The following BBS9 variants were observed in gnomAD, a reference collection of about 807,000 sequenced individuals.
The protein encoded by BBS9 is protein PTHB1.
Under a neutral mutation model 117.7 loss-of-function variants are expected in BBS9, and 89 were observed. That is an observed-to-expected ratio of 0.76 (90% CI 0.64 to 0.90). BBS9 has a LOEUF of 0.90. Ranked by LOEUF, BBS9 falls within the 40% of genes least tolerant of loss-of-function variation. BBS9 has a pLI of 0.00. For missense variants in BBS9, 982 were observed against 1,042.2 expected, an observed-to-expected ratio of 0.94 and a Z score of 0.80; for synonymous variants, 379 against 370.9, an observed-to-expected ratio of 1.02 and a Z score of -0.25.
chr7:33,515,583 G>A (rs2129032871), intron 20 of BBS9, among the ~76,000 whole-genome samples: 1 of 152,316 alleles, frequency 6.6e-6, no homozygotes, highest in East Asian at 1.9e-4. Context: ...TTCAAAGTCA[G>A]CAAGAAATTT....
chr7:33,599,583 C>A (rs1863472901), intron 21 of BBS9, among the ~76,000 whole-genome samples: 1 of 152,068 alleles, frequency 6.6e-6, no homozygotes, highest in East Asian at 1.9e-4. Context: ...CAGTCATAGG[C>A]CCCATAATAA....
intron 5 of BBS9, among the ~76,000 whole-genome samples, chr7:33,250,936 G>A (rs193043581): frequency 2.6e-5 from 4 of 152,314 alleles, no homozygotes; most frequent in African/African-American, 7.2e-5. Context: ...AATAGATGAC[G>A]TGTTCTAAGA....
intron 11 of BBS9, among the ~76,000 whole-genome samples, chr7:33,341,500 A>G (rs994471078): frequency 2.6e-5 from 4 of 152,110 alleles, no homozygotes; most frequent in Admixed American, 6.6e-5. Context: ...ACACAAGGCA[A>G]GGTACTTAAT....
intron 19 of BBS9, among the ~76,000 whole-genome samples, chr7:33,416,315 T>C (rs1832011472): frequency 1.3e-5 from 2 of 151,310 alleles, no homozygotes; most frequent in Admixed American, 1.3e-4. Flanking sequence ...CCTTCACCAC[T>C]GGTATTGTCT....
chr7:33,398,250 T>G (rs1366548728), intron 19 of BBS9, among the ~76,000 whole-genome samples: 1 of 152,212 alleles, frequency 6.6e-6, no homozygotes, highest in African/African-American at 2.4e-5. Flanking sequence ...GGAACTCCTG[T>G]TCTTCATTGG....
At chr7:33,345,480 T>C (rs193003505) in intron 12 of BBS9, among the ~76,000 whole-genome samples, 15 of 152,304 alleles carry the variant, frequency 9.8e-5, no homozygotes, top group Admixed American at 3.3e-4. Context: ...GCTTTACCAA[T>C]TGTGTTCGCT....
intron 21 of BBS9, among the ~76,000 whole-genome samples, chr7:33,577,390 A>T (rs1396838326): frequency 6.6e-6 from 1 of 152,250 alleles, no homozygotes; most frequent in East Asian, 1.9e-4. Context: ...ATCGTTAAAA[A>T]GTCAGGAAAC....
intron 19 of BBS9, among the ~76,000 whole-genome samples, chr7:33,399,860 G>A (rs1388490682): frequency 5.3e-5 from 8 of 152,108 alleles, no homozygotes; most frequent in Admixed American, 3.3e-4. Context: ...CTGGATTTAG[G>A]TATGTAATGC....
chr7:33,288,728 A>T (rs973142697), intron 9 of BBS9, among the ~76,000 whole-genome samples: 1 of 152,182 alleles, frequency 6.6e-6, no homozygotes, highest in Non-Finnish European at 1.5e-5. Flanking sequence ...GTAACATGTT[A>T]TTTCCCAATA....
At chr7:33,409,758 G>C (rs73314908) in intron 19 of BBS9, among the ~76,000 whole-genome samples, 1 of 152,062 alleles carries the variant, frequency 6.6e-6, no homozygotes, top group Non-Finnish European at 1.5e-5. Context: ...TTTTCCTAAC[G>C]ATGTTGAACT....
rs116650628 is a variant in BBS9 at position 33,631,231 on chromosome 7, T to C, written c.2522-3946T>C. On this transcript the variant is annotated intron_variant, in intron 21 of 21. Transcript: ENST00000671952. Reference sequence around the variant, plus strand: ...AGAGAAGCATGGCGAACTGCACCGTTCCAGGGAGACCCTCAGCCCATGCCG... The same window carrying C: ...AGAGAAGCATGGCGAACTGCACCGTCCCAGGGAGACCCTCAGCCCATGCCG... Among the ~76,000 whole-genome samples the C allele has an allele frequency of 6.1e-3, 921 of 152,214 alleles. 10 individuals carry two copies. The highest frequency in any genetic ancestry group is 0.021 in the African/African-American group (870 of 41,534).
At chr7:33,189,818 A>G (rs1261238863) in intron 5 of BBS9, among the ~76,000 whole-genome samples, 2 of 150,966 alleles carry the variant, frequency 1.3e-5, no homozygotes, top group Non-Finnish European at 2.9e-5. Context: ...CCCAGGAGGC[A>G]GAGGCTGCAG....
At chr7:33,301,238 A>T (rs1321914063) in intron 9 of BBS9, among the ~76,000 whole-genome samples, 1 of 152,026 alleles carries the variant, frequency 6.6e-6, no homozygotes, top group Non-Finnish European at 1.5e-5. Flanking sequence ...TAAATGGGGT[A>T]TCCATCACCT....
chr7:33,304,369 A>G (rs1333089409), intron 9 of BBS9, among the ~76,000 whole-genome samples: 9 of 124,612 alleles, frequency 7.2e-5, no homozygotes, highest in South Asian at 2.5e-4. Flanking sequence ...GGTGAGGAGC[A>G]CCTCTGCCCG....
At chr7:33,552,337 A>G (rs1854569400) in intron 21 of BBS9, among the ~76,000 whole-genome samples, 1 of 152,096 alleles carries the variant, frequency 6.6e-6, no homozygotes, top group Admixed American at 6.6e-5. Context: ...TTACGTGAAC[A>G]TTATTCCTTC....
chr7:33,193,423 T>C (rs62449328), intron 5 of BBS9, among the ~76,000 whole-genome samples: 1 of 100,988 alleles, frequency 9.9e-6, no homozygotes, highest in Non-Finnish European at 2.0e-5. Context: ...TCTCTCTGCC[T>C]TTTTTTTTTT....
chr7:33,168,320 A>C (rs922626422), intron 4 of BBS9, among the ~76,000 whole-genome samples: 2 of 152,178 alleles, frequency 1.3e-5, no homozygotes, highest in Non-Finnish European at 2.9e-5. Flanking sequence ...CCAAAGTGAT[A>C]ATTACAAGAA....
At chr7:33,506,235 A>C (rs1156239017) in intron 20 of BBS9, among the ~76,000 whole-genome samples, 5 of 152,142 alleles carry the variant, frequency 3.3e-5, no homozygotes, top group Non-Finnish European at 1.5e-5. Context: ...AACCTCTGAG[A>C]TCCTTTGAAT....
chr7:33,385,947 C>T (rs1437216333), intron 18 of BBS9, among the ~76,000 whole-genome samples: 3 of 151,870 alleles, frequency 2.0e-5, no homozygotes, highest in Non-Finnish European at 4.4e-5. Flanking sequence ...CACTTGGACA[C>T]AGGAAGGGGA....
Sources: gnomAD v4.1 joint callset for allele counts (sites outside exome capture counted in the v4.1 genomes callset) on GRCh38, gnomAD v4.1.1 for gene constraint, MANE v1.5 for transcripts, NCBI Gene and HGNC (gene_info 2026-07-23, HGNC 2026-07-21) for gene names.